Variants in AP3B2 observed in about 807,000 individuals in gnomAD.
The protein encoded by AP3B2 is AP-3 complex subunit beta-2.
A neutral mutation model predicts 126.9 loss-of-function variants in AP3B2; 50 were observed. The ratio of observed to expected loss-of-function variants is 0.39; its 90% CI spans 0.31 to 0.50. The LOEUF is 0.50. AP3B2 is among the 20% of genes least tolerant of loss of function. The probability of loss-of-function intolerance (pLI) is 0.79; values close to 1 mark genes in which losing one functional copy is unlikely to be tolerated. For synonymous variants in AP3B2, 541 were observed against 565.0 expected (o/e 0.96, Z 0.60); for missense variants, 1,177 against 1,426.4 (o/e 0.83, Z 2.82).
chr15:82,700,397 C>CTTGTTTTTTTTTTTTTTTTTTTTT (rs2048700044), intron 1 of AP3B2, among the ~76,000 whole-genome samples: 1 of 35,086 alleles, frequency 2.9e-5, no homozygotes, highest in Non-Finnish European at 5.1e-5. Flanking sequence ...TGGTGGGTGG[C>CTTGTTTTTTTTTTTTTTTTTTTTT]TTTTTTTTTT....
At position 82,681,631 on chromosome 15, in the gene AP3B2, T is replaced by TG; in HGVS notation, c.361-52dup. ...TATGAAAGGGCACCAGGTGCCCTGA[T>TG]GGGGGGAGGCCACACCTTTGGAAGT... On this transcript the variant is annotated intron_variant, in intron 4 of 26. Coordinates refer to ENST00000535359, the MANE Select transcript of AP3B2 (RefSeq NM_001278512.2). This position sits in a 1 kb window ranked among gnomAD's most constrained non-coding sequence, Gnocchi z 4.0. The TG allele has an allele frequency of 6.3e-7, 1 of 1,579,772 alleles. No homozygotes were observed.
At chr15:82,682,815 G>C (rs1020945798) in intron 4 of AP3B2, among the ~76,000 whole-genome samples, 5 of 151,906 alleles carry the variant, frequency 3.3e-5, no homozygotes, top group Non-Finnish European at 7.4e-5. Context: ...GGCTGGGCGT[G>C]ATGGCTTGTG....
At chr15:82,663,042 C>T in intron 22 of AP3B2, 85 bp downstream of exon 22, 3 of 1,486,132 alleles carry the variant, frequency 2.0e-6, no homozygotes, top group Non-Finnish European at 2.8e-6. Flanking sequence ...CCATCACACC[C>T]ACCCCCCACA....
At chr15:82,689,954 T>C (rs908331258) in intron 1 of AP3B2, 1 of 153,344 alleles carries the variant, frequency 6.5e-6, no homozygotes, top group African/African-American at 2.4e-5. Context: ...ATAGATTAAA[T>C]TGAAATTAAA....
rs763435947 is a variant in AP3B2 at position 82,665,274 on chromosome 15, G to A, written c.2001C>T (p.His667=). The A allele has an allele frequency of 3.3e-5, 51 of 1,544,766 alleles. No homozygotes were observed. The highest frequency in any genetic ancestry group is 4.0e-5 in the Non-Finnish European group (46 of 1,151,866). Residue 667 remains histidine, a synonymous_variant, in exon 17 of 27, where the codon CAC becomes CAT. Coordinates refer to ENST00000535359, the MANE Select transcript of AP3B2 (RefSeq NM_001278512.2). The surrounding 1 kb of genome is among the most constrained non-coding windows in gnomAD (Gnocchi z 4.4). ...CAGTGTATTCGCCCAACAGGCCCACGTGAGTCTCAATAAGGGAGAGATCTT... is the reference window on the plus strand; with the variant it reads ...CAGTGTATTCGCCCAACAGGCCCACATGAGTCTCAATAAGGGAGAGATCTT... ...EEEDLSLIET[H]VGLLGEYTEV... is the part of the protein sequence containing the mutation.
chr15:82,665,084 A>G lies in AP3B2; in HGVS notation c.2029-141T>C. ...CAAAGGGAATAACAGAGGAGGAAGAAAGGGGCACTGTCCATGGAGGGGAGG... is the reference window on the plus strand; with the variant it reads ...CAAAGGGAATAACAGAGGAGGAAGAGAGGGGCACTGTCCATGGAGGGGAGG... On this transcript the variant is annotated intron_variant, in intron 17 of 26. Coordinates refer to ENST00000535359, the MANE Select transcript of AP3B2 (RefSeq NM_001278512.2). The surrounding 1 kb of genome is among the most constrained non-coding windows in gnomAD (Gnocchi z 4.4). 1 of 1,027,860 alleles carries G rather than the reference A, an allele frequency of 9.7e-7. No homozygotes were observed. Among genetic ancestry groups the G allele is most frequent in the Non-Finnish European group, 1.4e-6 (1 of 691,656 alleles). 63.7% of individuals were successfully genotyped at this position (1,027,860 alleles called of 1,614,324 possible).
chr15:82,674,621 G>A (rs1319206614), intron 14 of AP3B2, among the ~76,000 whole-genome samples: 1 of 152,228 alleles, frequency 6.6e-6, no homozygotes, highest in Non-Finnish European at 1.5e-5. Flanking sequence ...CTGGAGACCT[G>A]TAAATGTGTC....
At position 82,662,852 on chromosome 15, in the gene AP3B2, A is replaced by G. The variant is rs751603825; in HGVS notation, c.2675T>C (p.Val892Ala). The change falls in exon 23 of 27, where the codon GTG becomes GCG. Residue 892 changes from valine (V) to alanine (A), a missense_variant. Val to Ala is a moderately conservative substitution (Grantham distance 64, BLOSUM62 0). Coordinates refer to ENST00000535359, the MANE Select transcript of AP3B2 (RefSeq NM_001278512.2). ...AGGTTGGCGGCTGAAGGTGTAGTCCACAGCCAGCCCCTCGCCAGCTACCCG... is the reference window on the plus strand; with the variant it reads ...AGGTTGGCGGCTGAAGGTGTAGTCCGCAGCCAGCCCCTCGCCAGCTACCCG... ...LHRVAGEGLA[V>A]DYTFSRQPFS... is the part of the protein sequence containing the mutation. The G allele has an allele frequency of 3.1e-5, 50 of 1,613,540 alleles. No individual in the cohort carries two copies. The highest frequency in any genetic ancestry group is 4.1e-5 in the Non-Finnish European group (48 of 1,179,794).
Position 82,680,070 on chromosome 15 carries a change from C to T in AP3B2, c.1110+105G>A. ...CATCCTCTGCACAGCCAGGGTATTC[C>T]TCCATCTTCCCTTTCCCCGGCCCCG... On this transcript the variant is annotated intron_variant, in intron 9 of 26. Transcript: ENST00000535359. The surrounding 1 kb of genome is among the most constrained non-coding windows in gnomAD (Gnocchi z 6.1). 1 of 1,476,014 alleles carries T rather than the reference C, an allele frequency of 6.8e-7. No homozygotes were observed. The highest frequency in any genetic ancestry group is 1.4e-5 in the African/African-American group (1 of 72,334). The allele number at this position is 1,476,014 out of a possible 1,614,324, so 91.4% of individuals were successfully genotyped here. A position where few individuals can be genotyped will look rare whatever the true frequency, so the allele number is the denominator to read the frequency against.
At chr15:82,676,716 G>T in intron 13 of AP3B2, 79 bp from the exon 14 acceptor site, 2 of 1,438,812 alleles carry the variant, frequency 1.4e-6, no homozygotes, top group Non-Finnish European at 1.9e-6. Context: ...CAGGGAAACA[G>T]CACTCCTCAT....
Position 82,680,694 on chromosome 15 carries a change from T to G in AP3B2, c.833A>C (p.Lys278Thr). ...AFYGSEEDEA[K>T]GAGSEETAAA... ...GGCCGTCTCCTCAGACCCCGCGCCC[T>G]TGGCCTCGTCCTCCTCTGAGCCGTA... Residue 278 changes from lysine to threonine, a missense_variant, in exon 8 of 27, where the codon AAG becomes ACG. Transcript: ENST00000535359. This position sits in a 1 kb window ranked among gnomAD's most constrained non-coding sequence, Gnocchi z 6.1. 1.9e-6 allele frequency: 3 copies of G among 1,571,500 alleles called. No individual in the cohort carries two copies. The highest frequency in any genetic ancestry group is 2.6e-6 in the Non-Finnish European group (3 of 1,162,804).
chr15:82,664,956 G>C lies in AP3B2; in HGVS notation c.2029-13C>G. On this transcript the variant is annotated splice_polypyrimidine_tract_variant and intron_variant, in intron 17 of 26. Coordinates refer to ENST00000535359, the MANE Select transcript of AP3B2 (RefSeq NM_001278512.2). This position sits in a 1 kb window ranked among gnomAD's most constrained non-coding sequence, Gnocchi z 4.5. ...TCCATTCAGGTACCTGGAGATGGGG[G>C]TAGGGTGCAGGGTCATTTCATCATG... 2 of 1,574,622 alleles carry C rather than the reference G, an allele frequency of 1.3e-6. No individual in the cohort carries two copies. The highest frequency in any genetic ancestry group is 1.7e-6 in the Non-Finnish European group (2 of 1,151,062).
Position 82,680,655 on chromosome 15 carries a change from G to C in AP3B2, c.872C>G (p.Pro291Arg). 6.3e-7 allele frequency: 1 copy of C among 1,584,146 alleles called. No homozygotes were observed. The highest frequency in any genetic ancestry group is 2.2e-5 in the East Asian group (1 of 44,488). Residue 291 changes from proline (P) to arginine (R), a missense_variant, in exon 8 of 27, where the codon CCC (proline) becomes CGC (arginine). Pro to Arg is a moderately radical substitution (Grantham distance 103, BLOSUM62 -2). Coordinates refer to ENST00000535359, the MANE Select transcript of AP3B2 (RefSeq NM_001278512.2). The surrounding 1 kb of genome is among the most constrained non-coding windows in gnomAD (Gnocchi z 6.1). ...GSEETAAAAA[P>R]SRKPYVMDPD... Reference sequence around the variant, plus strand: ...GTCCATGACATAGGGCTTTCGGGAGGGGGCGGCCGCGGCGGCCGTCTCCTC... The same window carrying C: ...GTCCATGACATAGGGCTTTCGGGAGCGGGCGGCCGCGGCGGCCGTCTCCTC...
chr15:82,673,153 A>G (rs2048186069), intron 14 of AP3B2, among the ~76,000 whole-genome samples: 1 of 152,288 alleles, frequency 6.6e-6, no homozygotes, highest in Admixed American at 6.5e-5. Context: ...ATTATGTAGC[A>G]GAAAACTAAT....
intron 25 of AP3B2, among the ~76,000 whole-genome samples, chr15:82,660,798 C>A (rs2047929943): frequency 6.6e-6 from 1 of 152,192 alleles, no homozygotes; most frequent in South Asian, 2.1e-4. Flanking sequence ...TCAAGTGTCC[C>A]CGTCTCCAAA....
Position 82,676,532 on chromosome 15 carries a change from C to A in AP3B2, c.1594G>T (p.Ala532Ser), listed in dbSNP as rs1567263224. 6.2e-7 allele frequency: 1 copy of A among 1,614,044 alleles called. No homozygotes were observed. Among genetic ancestry groups the A allele is most frequent in the East Asian group, 2.2e-5 (1 of 44,888 alleles). Residue 532 changes from alanine (A) to serine (S), a missense_variant, in exon 14 of 27, where the codon GCA (alanine) becomes TCA (serine). Around this residue, in one of 5 missense-constraint regions of AP3B2, gnomAD observed 308 missense variants for 452.4 expected, o/e 0.68. Transcript: ENST00000535359. The part of the protein sequence containing the change: ...VLRKMAKSFT[A>S]EEDIVKLQVI... Reference sequence around the variant, plus strand: ...TGCAGCTTGACAATATCCTCCTCTGCTGTGAATGACTTGGCCATTTTTCTT... The same window carrying A: ...TGCAGCTTGACAATATCCTCCTCTGATGTGAATGACTTGGCCATTTTTCTT...
Position 82,680,996 on chromosome 15 carries a change from C to T in AP3B2, c.612G>A (p.Met204Ile), listed in dbSNP as rs1459919886. Residue 204 changes from methionine to isoleucine, a missense_variant, in exon 7 of 27, where the codon ATG (methionine) becomes ATA (isoleucine). By Grantham distance (10) the Met-to-Ile change is conservative. Coordinates refer to ENST00000535359, the MANE Select transcript of AP3B2 (RefSeq NM_001278512.2). The surrounding 1 kb of genome is among the most constrained non-coding windows in gnomAD (Gnocchi z 6.1). ...GCTCCGGGCAGACCTCCTCAAAGGC[C>T]ATCACCACACTGCCCGCCACCAGCT... ...KTTLVAGSVV[M>I]AFEEVCPERI... 1.9e-6 allele frequency: 3 copies of T among 1,613,866 alleles called. No homozygotes were observed. Among genetic ancestry groups the T allele is most frequent in the Non-Finnish European group, 1.7e-6 (2 of 1,179,880 alleles).
At chr15:82,682,391 G>T (rs1468024225) in intron 4 of AP3B2, among the ~76,000 whole-genome samples, 4 of 152,050 alleles carry the variant, frequency 2.6e-5, no homozygotes, top group Non-Finnish European at 5.9e-5. Flanking sequence ...ATCCTATACA[G>T]AACGTATAAA....
chr15:82,688,101 C>G (rs2048462541), intron 4 of AP3B2: 2 of 231,534 alleles, frequency 8.6e-6, no homozygotes, highest in Non-Finnish European at 1.7e-5. Flanking sequence ...GAGAACCTGT[C>G]TCATAAATAA....
Sources: gnomAD v4.1 joint callset for allele counts (sites outside exome capture counted in the v4.1 genomes callset) on GRCh38, gnomAD v4.1.1 for gene constraint, gnomAD v4.1.1 regional missense constraint, Gnocchi (gnomAD v3.1) non-coding constraint, MANE v1.5 for transcripts, NCBI Gene and HGNC (gene_info 2026-07-23, HGNC 2026-07-21) for gene names.